STARD13: variants seen among roughly 807,000 people sequenced by gnomAD.
STARD13 encodes the protein StAR related lipid transfer domain containing 13, also known as stAR-related lipid transfer protein 13.
Under a neutral mutation model 106.4 loss-of-function variants are expected in STARD13, and 62 were observed. The observed-to-expected ratio is 0.58, with a 90% CI of 0.48 to 0.72. STARD13 has a LOEUF of 0.72. Ranked by LOEUF, STARD13 falls within the 30% of genes least tolerant of loss-of-function variation. The pLI is 0.00. For synonymous variants in STARD13, 565 were observed against 553.0 expected (o/e 1.02, Z -0.31); for missense variants, 1,387 against 1,424.0 (o/e 0.97, Z 0.42).
At chr13:33,619,374 G>A in the STARD13 span, among the ~76,000 whole-genome samples, 1 of 151,688 alleles carries the variant, frequency 6.6e-6, no homozygotes, top group African/African-American at 2.4e-5. Flanking sequence ...GAAAAAATAT[G>A]AATTTTTCCA....
chr13:33,616,596 T>C, the STARD13 span, among the ~76,000 whole-genome samples: 22 of 152,340 alleles, frequency 1.4e-4, no homozygotes, highest in East Asian at 4.0e-3. Context: ...ATGCCATCCA[T>C]GGCAAACACT....
chr13:33,650,701 T>C, the STARD13 span, among the ~76,000 whole-genome samples: 1 of 152,232 alleles, frequency 6.6e-6, no homozygotes, highest in East Asian at 1.9e-4. Context: ...CCAAAATTCA[T>C]ATGTTGGAAC....
chr13:33,437,278 C>A, the STARD13 span, among the ~76,000 whole-genome samples: 2 of 152,124 alleles, frequency 1.3e-5, no homozygotes, highest in East Asian at 3.8e-4. Context: ...ACGTGTACCC[C>A]CTGCTTGCTC....
the STARD13 span, among the ~76,000 whole-genome samples, chr13:33,605,520 A>G: frequency 6.6e-6 from 1 of 152,014 alleles, no homozygotes; most frequent in East Asian, 1.9e-4. Context: ...CAGTAGGGTA[A>G]CAACAACAAC....
intron 4 of STARD13, among the ~76,000 whole-genome samples, chr13:33,131,101 G>T (rs1199466009): frequency 1.3e-5 from 2 of 152,182 alleles, no homozygotes; most frequent in African/African-American, 2.4e-5. Flanking sequence ...CCTGAGAGGG[G>T]AGCATCTGCA....
intron 1 of STARD13, among the ~76,000 whole-genome samples, chr13:33,308,520 CTTTTTTTTTTT>C (rs552526416): frequency 9.0e-5 from 8 of 88,554 alleles, no homozygotes; most frequent in Non-Finnish European, 1.5e-4. Context: ...CTTTTTCTTT[CTTTTTTTTTTT>C]TTTTTTTTTG....
At chr13:33,645,360 A>G in the STARD13 span, among the ~76,000 whole-genome samples, 5 of 152,208 alleles carry the variant, frequency 3.3e-5, no homozygotes, top group Non-Finnish European at 7.3e-5. Flanking sequence ...GACAATTCAC[A>G]GACAGCCAAG....
chr13:33,113,000 T>G (rs1874845153), intron 8 of STARD13, 69 bp from the exon 9 acceptor site: 1 of 1,216,310 alleles, frequency 8.2e-7, no homozygotes, highest in Non-Finnish European at 1.2e-6. Context: ...AAGCACTGTG[T>G]AAGCTCCACA....
At chr13:33,548,623 T>G in the STARD13 span, among the ~76,000 whole-genome samples, 4 of 152,196 alleles carry the variant, frequency 2.6e-5, no homozygotes, top group Non-Finnish European at 4.4e-5. Context: ...GTTTGTGATT[T>G]TTTTTAAAAA....
At chr13:33,638,760 A>G in the STARD13 span, among the ~76,000 whole-genome samples, 1 of 152,282 alleles carries the variant, frequency 6.6e-6, no homozygotes, top group East Asian at 1.9e-4. Flanking sequence ...GTCCTGAACT[A>G]GTTTTTTGGA....
At chr13:33,512,066 G>A in the STARD13 span, among the ~76,000 whole-genome samples, 2 of 152,152 alleles carry the variant, frequency 1.3e-5, no homozygotes, top group African/African-American at 2.4e-5. Context: ...TAGTAATGTG[G>A]CTTGGTATTT....
the STARD13 span, among the ~76,000 whole-genome samples, chr13:33,494,342 C>T: frequency 6.7e-6 from 1 of 150,298 alleles, no homozygotes; most frequent in African/African-American, 2.5e-5. Flanking sequence ...GTTTCCTCAC[C>T]TGACTAGTCT....
the STARD13 span, among the ~76,000 whole-genome samples, chr13:33,472,892 C>T: frequency 1.9e-4 from 29 of 152,048 alleles, no homozygotes; most frequent in Non-Finnish European, 4.1e-4. Context: ...TTGGCTCCTT[C>T]CTGATTCAAA....
At chr13:33,643,936 G>A in the STARD13 span, among the ~76,000 whole-genome samples, 1 of 152,194 alleles carries the variant, frequency 6.6e-6, no homozygotes, top group South Asian at 2.1e-4. Context: ...TCTTAGCAAG[G>A]GCTGCAGGTA....
the STARD13 span, among the ~76,000 whole-genome samples, chr13:33,456,335 G>A: frequency 0.33 from 49,677 of 151,652 alleles, 8,382 homozygotes; most frequent in Non-Finnish European, 0.39. Flanking sequence ...GATTACAGGC[G>A]TGAGCCACCA....
the STARD13 span, among the ~76,000 whole-genome samples, chr13:33,666,686 G>A: frequency 6.6e-6 from 1 of 151,904 alleles, no homozygotes; most frequent in Admixed American, 6.6e-5. Flanking sequence ...TGCTTTCCCG[G>A]TTCAAGCAAT....
chr13:33,285,381 A>G, intron 1 of STARD13, 89 bp downstream of exon 1: 1 of 1,369,290 alleles, frequency 7.3e-7, no homozygotes, highest in Non-Finnish European at 1.0e-6. Context: ...TATAAAGTGG[A>G]AACAAACAAA....
the STARD13 span, among the ~76,000 whole-genome samples, chr13:33,562,457 C>A: frequency 6.8e-6 from 1 of 146,802 alleles, no homozygotes; most frequent in Admixed American, 7.0e-5. Context: ...GGAAACCTTC[C>A]TGGACTCCCC....
chr13:33,342,479 A>C (rs1018397459), intron 1 of STARD13, among the ~76,000 whole-genome samples: 1 of 151,944 alleles, frequency 6.6e-6, no homozygotes, highest in African/African-American at 2.4e-5. Flanking sequence ...TTACTTTGCA[A>C]TATAATTTTT....
Sources: allele counts gnomAD v4.1 joint callset (sites outside exome capture counted in the v4.1 genomes callset), GRCh38; gene constraint gnomAD v4.1.1; transcripts MANE v1.5; gene names NCBI Gene and HGNC (gene_info 2026-07-23, HGNC 2026-07-21).